KIF27: variants seen among roughly 807,000 people sequenced by gnomAD.
KIF27 encodes kinesin family member 27.
Under a neutral mutation model 141.8 loss-of-function variants are expected in KIF27, and 84 were observed. The observed-to-expected ratio is 0.59, with a 90% CI of 0.50 to 0.71. The LOEUF is 0.71. Among genes scored for constraint, KIF27 ranks in the 30% least tolerant of loss-of-function variants. The probability of loss-of-function intolerance (pLI) is 0.00; values close to 1 mark genes in which losing one functional copy is unlikely to be tolerated. For missense variants in KIF27, 1,306 were observed against 1,628.4 expected (o/e 0.80, Z 3.41); for synonymous variants, 471 against 569.5 (o/e 0.83, Z 2.46).
intron 16 of KIF27, among the ~76,000 whole-genome samples, chr9:83,847,043 A>G (rs189598298): frequency 2.4e-3 from 363 of 152,310 alleles, no homozygotes; most frequent in Admixed American, 4.6e-3. Context: ...ATTAAGGTCA[A>G]CTGGAAACTA....
intron 16 of KIF27, chr9:83,848,838 G>A (rs1948190287): frequency 6.6e-6 from 1 of 151,286 alleles, no homozygotes; most frequent in Non-Finnish European, 1.5e-5. Flanking sequence ...TTTGAGACAG[G>A]GTCTTAACTC....
Position 83,870,620 on chromosome 9 carries a change from T to A in KIF27, c.2656A>T (p.Lys886Ter). The change falls in exon 12 of 18, where the codon AAA (lysine) becomes TAA (stop). Residue 886 changes from lysine (K) to a stop codon, truncating the protein, a stop_gained. Transcript: ENST00000297814. LOFTEE classifies it high-confidence loss of function. ...DQQKIKEIQLKTGQEEGLKPK... is the reference protein window; with the variant it reads ...DQQKIKEIQL ...TTTAGACCTTCTTCCTGTCCTGTTT[T>A]TAATTGTATTTCCTATAGAAAAAGA... 1 of 1,613,922 alleles carries A rather than the reference T, an allele frequency of 6.2e-7. No homozygotes were observed. Among genetic ancestry groups the A allele is most frequent in the South Asian group, 1.1e-5 (1 of 91,068 alleles).
At chr9:83,883,139 T>G (rs1254808067) in intron 10 of KIF27, among the ~76,000 whole-genome samples, 1 of 152,032 alleles carries the variant, frequency 6.6e-6, no homozygotes, top group Non-Finnish European at 1.5e-5. Context: ...TGGAAAAATA[T>G]AAAAATGTTT....
At chr9:83,838,536 A>T (rs1946183397) in intron 17 of KIF27, among the ~76,000 whole-genome samples, 1 of 152,214 alleles carries the variant, frequency 6.6e-6, no homozygotes, top group South Asian at 2.1e-4. Flanking sequence ...CACCTGGCCC[A>T]GTCCTGCCAA....
In KIF27 at chr9:83,866,774, A is replaced by G. The variant is rs1452509624; in HGVS notation, c.2934+910T>C. On this transcript the variant is annotated intron_variant, in intron 13 of 17. Transcript: ENST00000297814. ...GCCTGTAGTCCGAGCTACTCGGGAG[A>G]CTGATACAGGAGAATCGCTTGAACC... is the stretch of plus-strand genomic sequence containing the variant. 5.9e-5 allele frequency among the ~76,000 whole-genome samples: 9 copies of G among 152,044 alleles called. No homozygotes were observed. The South Asian group carries it at 6.2e-4, about 11-fold the overall frequency.
intron 16 of KIF27, among the ~76,000 whole-genome samples, chr9:83,848,362 C>CTAT (rs1399363571): frequency 3.3e-4 from 42 of 126,710 alleles, no homozygotes; most frequent in African/African-American, 5.9e-4. Context: ...TATATATCTA[C>CTAT]ATATATCTAC....
chr9:83,915,310 A>G lies in KIF27; in HGVS notation c.282T>C (p.Ile94=). 4 of 1,607,220 alleles carry G rather than the reference A, an allele frequency of 2.5e-6. No individual in the cohort carries two copies. Among genetic ancestry groups the G allele is most frequent in the African/African-American group, 1.3e-5 (1 of 74,704 alleles). ...GAATCTTACCAATATGGCCCCCTCC[A>G]ATGGTGTATGTCTTCCCAGATCCAG... ...GQTGSGKTYT[I]GGGHIASVVE... is the part of the protein sequence containing the mutation. Residue 94 remains isoleucine, a synonymous_variant, in exon 2 of 18, where the codon ATT becomes ATC. Coordinates refer to ENST00000297814, the MANE Select transcript of KIF27 (RefSeq NM_017576.4).
chr9:83,903,034 TA>T (rs1282545412), intron 4 of KIF27, 25 bp downstream of exon 4: 2 of 1,388,094 alleles, frequency 1.4e-6, no homozygotes, highest in Admixed American at 2.1e-5. Context: ...AATAAATAAA[TA>T]AATAAATAAG....
intron 13 of KIF27, among the ~76,000 whole-genome samples, chr9:83,864,403 C>G (rs1482086896): frequency 1.3e-5 from 2 of 152,180 alleles, no homozygotes; most frequent in Admixed American, 1.3e-4. Context: ...CAAAGAACAT[C>G]TTTATTTCTG....
chr9:83,907,033 G>A (rs1246893938), intron 3 of KIF27, among the ~76,000 whole-genome samples: 2 of 151,934 alleles, frequency 1.3e-5, no homozygotes, highest in African/African-American at 2.4e-5. Context: ...GCTCATGCCT[G>A]TAATCCCAGC....
At chr9:83,906,268 A>G (rs1954518009) in intron 3 of KIF27, among the ~76,000 whole-genome samples, 1 of 152,192 alleles carries the variant, frequency 6.6e-6, no homozygotes, top group South Asian at 2.1e-4. Context: ...AATTTCCTCA[A>G]CCATGCAGGA....
Position 83,850,115 on chromosome 9 carries a change from T to G in KIF27, c.3540A>C (p.Leu1180=). ...GGAAGTTACCTTTGAAATGATGTAATAGCAACTGCATCTTTTGTTCGTGTT... is the reference window on the plus strand; with the variant it reads ...GGAAGTTACCTTTGAAATGATGTAAGAGCAACTGCATCTTTTGTTCGTGTT... ...QKEHEQKMQL[L]LHHFKEQDGE... The change falls in exon 16 of 18, where the codon CTA becomes CTC. Residue 1180 remains leucine (L), a synonymous_variant. Coordinates refer to ENST00000297814, the MANE Select transcript of KIF27 (RefSeq NM_017576.4). 3.7e-6 allele frequency: 6 copies of G among 1,613,932 alleles called. No homozygotes were observed. The highest frequency in any genetic ancestry group is 5.1e-6 in the Non-Finnish European group (6 of 1,179,802).
chr9:83,848,387 C>A (rs1283307023), intron 16 of KIF27, among the ~76,000 whole-genome samples: 6 of 131,812 alleles, frequency 4.6e-5, no homozygotes, highest in African/African-American at 8.6e-5. Context: ...ATCTATATAT[C>A]ATATATGCTA....
At chr9:83,871,039 T>A (rs1391138391) in intron 11 of KIF27, among the ~76,000 whole-genome samples, 1 of 152,086 alleles carries the variant, frequency 6.6e-6, no homozygotes, top group African/African-American at 2.4e-5. Flanking sequence ...GCCTCCCAAG[T>A]AGCTAGGACT....
chr9:83,834,929 C>G lies in KIF27; in HGVS notation c.*2072G>C, dbSNP rs1587819658. 6.8e-6 allele frequency among the ~76,000 whole-genome samples: 1 copy of G among 146,108 alleles called. No individual in the cohort carries two copies. The highest frequency in any genetic ancestry group is 1.5e-5 in the Non-Finnish European group (1 of 67,082). ...TCTATATACAAGTATATATATAATA[C>G]TATATATATACAAGTGTTTATATAC... On this transcript the variant is annotated 3_prime_UTR_variant, in exon 18 of 18. Transcript: ENST00000297814.
chr9:83,891,228 C>G lies in KIF27; in HGVS notation c.1809+67G>C, dbSNP rs909003030. 16 of 1,288,286 alleles carry G rather than the reference C, an allele frequency of 1.2e-5. No individual in the cohort carries two copies. In the African/African-American group the frequency reaches 2.4e-4, roughly 19 times the overall value. 79.8% of individuals were successfully genotyped at this position (1,288,286 alleles called of 1,614,324 possible). The stretch of plus-strand genomic sequence containing the variant: ...AATCTGCTGAGACTGTATAAATACA[C>G]TGTGATATTACACATGGCTAAAATT... On this transcript the variant is annotated intron_variant, in intron 6 of 17. Coordinates refer to ENST00000297814, the MANE Select transcript of KIF27 (RefSeq NM_017576.4).
At chr9:83,912,062 A>G (rs1955223559) in intron 2 of KIF27, among the ~76,000 whole-genome samples, 1 of 151,490 alleles carries the variant, frequency 6.6e-6, no homozygotes, top group Non-Finnish European at 1.5e-5. Flanking sequence ...CTTTATATGT[A>G]CTTTATTACA....
At chr9:83,907,559 C>T (rs557897699) in intron 3 of KIF27, among the ~76,000 whole-genome samples, 1 of 151,950 alleles carries the variant, frequency 6.6e-6, no homozygotes, top group Admixed American at 6.6e-5. Flanking sequence ...AACCTTCTCC[C>T]ATTTCCAACA....
chr9:83,870,636 T>C lies in KIF27; in HGVS notation c.2644-4A>G, dbSNP rs773171395. The C allele has an allele frequency of 4.3e-6, 7 of 1,612,974 alleles. 1 individual carries two copies. The South Asian group carries it at 6.6e-5, about 15-fold the overall frequency. On this transcript the variant is annotated splice_region_variant and splice_polypyrimidine_tract_variant and intron_variant, in intron 11 of 17. Coordinates refer to ENST00000297814, the MANE Select transcript of KIF27 (RefSeq NM_017576.4). ...GTCCTGTTTTTAATTGTATTTCCTA[T>C]AGAAAAAGAAATTGAAAACACCTTA...
Sources: allele counts gnomAD v4.1 joint callset (sites outside exome capture counted in the v4.1 genomes callset), GRCh38; gene constraint gnomAD v4.1.1; transcripts MANE v1.5; gene names NCBI Gene and HGNC (gene_info 2026-07-23, HGNC 2026-07-21).